The following KTN1 variants were observed in gnomAD, a reference collection of about 807,000 sequenced individuals.
KTN1 encodes kinectin.
KTN1 carries 130 observed loss-of-function variants against 222.5 expected under a neutral mutation model. That is an observed-to-expected ratio of 0.58 (90% confidence interval 0.51 to 0.68). The LOEUF (loss-of-function observed/expected upper bound fraction) is 0.68. Among genes scored for constraint, KTN1 ranks in the 30% least tolerant of loss-of-function variants. The pLI is 0.00. For missense variants in KTN1, 1,508 were observed against 1,500.4 expected (o/e 1.01, Z -0.08); for synonymous variants, 512 against 496.3 (o/e 1.03, Z -0.42).
At chr14:55,594,604 G>C (rs181955615) in intron 1 of KTN1, among the ~76,000 whole-genome samples, 1 of 139,380 alleles carries the variant, frequency 7.2e-6, no homozygotes, top group Admixed American at 7.5e-5. Context: ...CCAATGTTTT[G>C]AATTCATTCT....
At chr14:55,620,630 C>T (rs916692738) in intron 5 of KTN1, among the ~76,000 whole-genome samples, 2 of 152,116 alleles carry the variant, frequency 1.3e-5, no homozygotes, top group Non-Finnish European at 1.5e-5. Context: ...AAGCCATGGC[C>T]CATGCTGTAC....
In KTN1 at chr14:55,580,586, C is replaced by T. The variant is rs570629923; in HGVS notation, c.-31+232C>T. 4.4e-4 allele frequency among the ~76,000 whole-genome samples: 67 copies of T among 151,704 alleles called. No homozygotes were observed. The South Asian group carries it at 9.7e-3, about 22-fold the overall frequency. On this transcript the variant is annotated intron_variant, in intron 1 of 43. Transcript: ENST00000395314. Reference sequence around the variant, plus strand: ...GGCGGGCTCGGAGGGACCTCCTCGGCCTCGCGGGGCCGCTCTGGGCCCGAC... The same window carrying T: ...GGCGGGCTCGGAGGGACCTCCTCGGTCTCGCGGGGCCGCTCTGGGCCCGAC...
intron 1 of KTN1, among the ~76,000 whole-genome samples, chr14:55,590,921 G>T (rs1159852315): frequency 2.0e-5 from 3 of 152,096 alleles, no homozygotes; most frequent in African/African-American, 4.8e-5. Flanking sequence ...TGATCCACCC[G>T]CCTTGGCCTC....
intron 1 of KTN1, among the ~76,000 whole-genome samples, chr14:55,608,527 G>C (rs954697909): frequency 6.6e-6 from 1 of 151,824 alleles, no homozygotes; most frequent in Non-Finnish European, 1.5e-5. Flanking sequence ...TAGTGTTCAT[G>C]GTTTTAATAC....
intron 32 of KTN1, chr14:55,663,475 A>C: frequency 6.1e-6 from 1 of 163,416 alleles, no homozygotes; most frequent in Non-Finnish European, 1.3e-5. Context: ...TGGGATTCCT[A>C]GGTAGATTTG....
chr14:55,670,703 A>G (rs370953631), intron 34 of KTN1, 26 bp from the exon 35 acceptor site: 3 of 1,513,774 alleles, frequency 2.0e-6, no homozygotes, highest in Non-Finnish European at 1.8e-6. Context: ...TTGGAAATTA[A>G]TGATTTTAAC....
At chr14:55,580,555 G>T (rs765504605) in intron 1 of KTN1, among the ~76,000 whole-genome samples, 24 of 151,160 alleles carry the variant, frequency 1.6e-4, no homozygotes, top group South Asian at 2.1e-4. Flanking sequence ...CCGGGACGCC[G>T]CAGGGGGCGG....
intron 18 of KTN1, among the ~76,000 whole-genome samples, chr14:55,646,596 T>G (rs1366503679): frequency 2.0e-5 from 3 of 151,018 alleles, no homozygotes; most frequent in African/African-American, 7.3e-5. Flanking sequence ...TTTCTTCTTT[T>G]CTTTCTTTTT....
At chr14:55,601,692 G>C (rs1255584531) in intron 1 of KTN1, 2 of 151,886 alleles carry the variant, frequency 1.3e-5, no homozygotes, top group Non-Finnish European at 2.9e-5. Context: ...TAAACATATA[G>C]AACTATGTAA....
chr14:55,630,098 G>T lies in KTN1; in HGVS notation c.1221+1G>T. On this transcript the variant is annotated splice_donor_variant, in intron 7 of 43. Coordinates refer to ENST00000395314, the MANE Select transcript of KTN1 (RefSeq NM_001079521.2). LOFTEE classifies it high-confidence loss of function. ...AGAGACTCAACAGATGCAGATGAAGGTATATTTTCATTCTTTGGAAACAAG... is the reference window on the plus strand; with the variant it reads ...AGAGACTCAACAGATGCAGATGAAGTTATATTTTCATTCTTTGGAAACAAG... 1 of 1,609,642 alleles carries T rather than the reference G, an allele frequency of 6.2e-7. No homozygotes were observed. The highest frequency in any genetic ancestry group is 8.5e-7 in the Non-Finnish European group (1 of 1,177,512).
At chr14:55,663,386 C>T (rs2044352460) in intron 32 of KTN1, 1 of 169,892 alleles carries the variant, frequency 5.9e-6, no homozygotes, top group Admixed American at 5.7e-5. Flanking sequence ...TCAACTAGCT[C>T]ATACAATTCA....
In KTN1 at chr14:55,677,214, G is replaced by A. The variant is rs112308652; in HGVS notation, c.3856-1138G>A. Among the ~76,000 whole-genome samples, 1,023 of 152,200 alleles carry A rather than the reference G, an allele frequency of 6.7e-3. 7 individuals are homozygous for A. The highest frequency in any genetic ancestry group is 0.024 in the Middle Eastern group (7 of 294). ...ATAACGGCTGGGCATGGTGGCTCACGCCTGTAATCCCAGTACTTTGGGAGG... is the reference window on the plus strand; with the variant it reads ...ATAACGGCTGGGCATGGTGGCTCACACCTGTAATCCCAGTACTTTGGGAGG... On this transcript the variant is annotated intron_variant, in intron 41 of 43. Transcript: ENST00000395314.
chr14:55,597,971 ACTAT>A (rs2035327755), intron 1 of KTN1, among the ~76,000 whole-genome samples: 1 of 152,206 alleles, frequency 6.6e-6, no homozygotes, highest in Non-Finnish European at 1.5e-5. Flanking sequence ...GGTGTACTTA[ACTAT>A]CTGTGAAAAT....
intron 43 of KTN1, chr14:55,681,181 GC>G (rs1466367060): frequency 6.4e-6 from 1 of 156,326 alleles, no homozygotes; most frequent in Admixed American, 6.1e-5. Flanking sequence ...AATCATTTTT[GC>G]AAAAATCATT....
At position 55,656,027 on chromosome 14, in the gene KTN1, T is replaced by C. The variant is rs774745375; in HGVS notation, c.2802-15T>C. On this transcript the variant is annotated splice_polypyrimidine_tract_variant and intron_variant, in intron 28 of 43. Coordinates refer to ENST00000395314, the MANE Select transcript of KTN1 (RefSeq NM_001079521.2). ...ATGTACTTTAGTTAATGCAGATCTT[T>C]GTAAAAAATTCTAGGTTGAAAGAAA... 6.6e-7 allele frequency: 1 copy of C among 1,521,766 alleles called. No homozygotes were observed. The highest frequency in any genetic ancestry group is 9.0e-7 in the Non-Finnish European group (1 of 1,106,150). The allele number at this position is 1,521,766 out of a possible 1,614,324, so 94.3% of individuals were successfully genotyped here.
At chr14:55,641,505 T>G (rs1371957683) in intron 17 of KTN1, among the ~76,000 whole-genome samples, 187 bp from the exon 18 acceptor site, 2 of 152,144 alleles carry the variant, frequency 1.3e-5, no homozygotes, top group African/African-American at 4.8e-5. Flanking sequence ...TTTCTGGTCA[T>G]GGCCAACCAA....
chr14:55,583,874 G>A (rs937244830), intron 1 of KTN1, among the ~76,000 whole-genome samples: 1 of 152,088 alleles, frequency 6.6e-6, no homozygotes, highest in Non-Finnish European at 1.5e-5. Flanking sequence ...GTAAAAAAAC[G>A]TTGGAGTCAT....
At chr14:55,653,642 A>G (rs780696808) in intron 28 of KTN1, 46 bp downstream of exon 28, 2 of 1,424,042 alleles carry the variant, frequency 1.4e-6, no homozygotes, top group Non-Finnish European at 2.0e-6. Context: ...CAAACGTCTC[A>G]TTATTTTCCA....
chr14:55,625,063 T>C (rs894238326), intron 5 of KTN1, among the ~76,000 whole-genome samples: 6 of 152,166 alleles, frequency 3.9e-5, no homozygotes, highest in Admixed American at 1.3e-4. Context: ...ATTCGAGTTA[T>C]GAGGCACTTG....
Sources: allele counts gnomAD v4.1 joint callset (sites outside exome capture counted in the v4.1 genomes callset), GRCh38; gene constraint gnomAD v4.1.1; transcripts MANE v1.5; gene names NCBI Gene and HGNC (gene_info 2026-07-23, HGNC 2026-07-21).